NEB: variants seen among roughly 807,000 people sequenced by gnomAD.
NEB encodes nebulin.
NEB carries 512 observed loss-of-function variants against 952.2 expected under a neutral mutation model. That is an observed-to-expected ratio of 0.54 (90% CI 0.50 to 0.58). The LOEUF is 0.58. NEB is among the 20% of genes least tolerant of loss of function. The pLI is 0.00. For synonymous variants in NEB, 2,900 were observed against 3,149.8 expected (o/e 0.92, Z 2.66); for missense variants, 8,428 against 9,231.1 (o/e 0.91, Z 3.56).
At chr2:151,497,935 G>A (rs547170182) in intron 170 of NEB, 2 of 1,448,302 alleles carry the variant, frequency 1.4e-6, no homozygotes, top group Admixed American at 2.9e-5. Flanking sequence ...GGCTGTCAGA[G>A]TTATCCATGT....
Position 151,516,582 on chromosome 2 carries a change from G to A in NEB, c.22801-19C>T, listed in dbSNP as rs763184846. The A allele has an allele frequency of 2.1e-5, 31 of 1,479,522 alleles. No individual in the cohort carries two copies. The highest frequency in any genetic ancestry group is 2.4e-5 in the Non-Finnish European group (26 of 1,062,182). 91.6% of individuals were successfully genotyped at this position (1,479,522 alleles called of 1,614,324 possible). A position where few individuals can be genotyped will look rare whatever the true frequency, so the allele number is the denominator to read the frequency against. On this transcript the variant is annotated intron_variant, in intron 156 of 181. Coordinates refer to ENST00000397345, the MANE Select transcript of NEB (RefSeq NM_001164508.2). The stretch of plus-strand genomic sequence containing the variant: ...ATTTCACCTGGTGATAGAAAGCCAT[G>A]TTAGATATCTCTCCTCTGGTCAATT...
At chr2:151,652,800 G>A (rs1486383814) in intron 52 of NEB, among the ~76,000 whole-genome samples, 2 of 151,998 alleles carry the variant, frequency 1.3e-5, no homozygotes, top group African/African-American at 4.8e-5. Context: ...CGAATTAATG[G>A]GTTCACACAA....
At chr2:151,625,429 A>G (rs2098504527) in intron 71 of NEB, 105 bp downstream of exon 71, 1 of 797,392 alleles carries the variant, frequency 1.3e-6, no homozygotes, top group Non-Finnish European at 1.9e-6. Flanking sequence ...TAAAAAGCCA[A>G]CTAAGCTAAC....
rs772070576 is a variant in NEB, at chr2:151,697,195, T to C, written c.1423A>G (p.Ile475Val). Residue 475 changes from isoleucine to valine, a missense_variant, in exon 16 of 182, where the codon ATA becomes GTA. This residue lies in a region of NEB where 2,851 missense variants were observed against 2,791.5 expected (regional missense o/e 1.02). Transcript: ENST00000397345. ...TTAATTGCTTCATATTCTTGAGTTATGGTCTGAGGGAAGAAGCCTTTGCCT... is the reference window on the plus strand; with the variant it reads ...TTAATTGCTTCATATTCTTGAGTTACGGTCTGAGGGAAGAAGCCTTTGCCT... ...DRGKGFFPQT[I>V]TQEYEAIKKL... is the part of the protein sequence containing the mutation. 4.3e-6 allele frequency: 7 copies of C among 1,613,648 alleles called. No individual in the cohort carries two copies. The highest frequency in any genetic ancestry group is 4.0e-5 in the African/African-American group (3 of 74,948).
intron 74 of NEB, among the ~76,000 whole-genome samples, chr2:151,617,898 G>A (rs1054284814): frequency 2.0e-5 from 3 of 151,898 alleles, no homozygotes; most frequent in African/African-American, 7.3e-5. Flanking sequence ...TGTCTCTACT[G>A]AAAATACAAA....
intron 3 of NEB, among the ~76,000 whole-genome samples, chr2:151,731,783 T>C (rs2151090154): frequency 6.6e-6 from 1 of 152,328 alleles, no homozygotes; most frequent in Non-Finnish European, 1.5e-5. Flanking sequence ...GTAAAAACTG[T>C]TACTGGCATT....
chr2:151,618,185 T>C, intron 74 of NEB, 90 bp downstream of exon 74: 2 of 1,187,994 alleles, frequency 1.7e-6, no homozygotes, highest in Non-Finnish European at 2.5e-6. Context: ...ATAATGCTTA[T>C]TATTATCTTT....
intron 60 of NEB, among the ~76,000 whole-genome samples, chr2:151,642,128 C>A (rs191357992): frequency 6.6e-5 from 10 of 152,270 alleles, no homozygotes; most frequent in African/African-American, 2.4e-4. Context: ...TATTTGTAAC[C>A]CACCACCTGA....
rs183602069 is a variant in NEB, at chr2:151,732,948, C to T, written c.36+173G>A. 3.9e-5 allele frequency among the ~76,000 whole-genome samples: 6 copies of T among 152,284 alleles called. No individual in the cohort carries two copies. In the East Asian group the frequency reaches 1.2e-3, roughly 29 times the overall value. ...GATATTTCCTGTCAATTCTAAATCC[C>T]ACATAATTATAGTGAAACTGAACAT... On this transcript the variant is annotated intron_variant, in intron 3 of 181. Transcript: ENST00000397345.
intron 157 of NEB, 111 bp from the exon 158 acceptor site, chr2:151,515,039 C>A (rs2076869535): frequency 1.5e-6 from 1 of 668,066 alleles, no homozygotes; most frequent in Non-Finnish European, 2.6e-6. Flanking sequence ...GGCTCTTAAT[C>A]ATAGTTCTGC....
intron 130 of NEB, among the ~76,000 whole-genome samples, chr2:151,549,241 G>A (rs1050943607): frequency 1.3e-5 from 2 of 152,222 alleles, no homozygotes; most frequent in Non-Finnish European, 1.5e-5. Flanking sequence ...CTTCTGCAGT[G>A]AAACATAGCA....
chr2:151,666,177 G>C lies in NEB; in HGVS notation c.4944C>G (p.Asn1648Lys). Residue 1648 changes from asparagine to lysine, a missense_variant, in exon 41 of 182, where the codon AAC becomes AAG. Around this residue, in one of 11 missense-constraint regions of NEB, gnomAD observed 2,851 missense variants for 2,791.5 expected, o/e 1.02. Coordinates refer to ENST00000397345, the MANE Select transcript of NEB (RefSeq NM_001164508.2). ...KKSQEVATNA[N>K]YRQSYHHYTL... ...TGTAGTGGTGGTATGACTGTCTGTAGTTGGCGTTGGTGGCAACCTCCTGAG... is the reference window on the plus strand; with the variant it reads ...TGTAGTGGTGGTATGACTGTCTGTACTTGGCGTTGGTGGCAACCTCCTGAG... 1.2e-6 allele frequency: 2 copies of C among 1,613,762 alleles called. No homozygotes were observed. The highest frequency in any genetic ancestry group is 1.7e-6 in the Non-Finnish European group (2 of 1,179,858).
chr2:151,491,963 A>G (rs1277594712), intron 178 of NEB, 135 bp downstream of exon 178: 5 of 1,070,090 alleles, frequency 4.7e-6, no homozygotes, highest in African/African-American at 3.2e-5. Flanking sequence ...ACTATGAGAT[A>G]ATAGGAGCTT....
chr2:151,499,385 C>G lies in NEB; in HGVS notation c.24027G>C (p.Leu8009Phe). Residue 8009 changes from leucine to phenylalanine, a missense_variant, in exon 169 of 182, where the codon TTG becomes TTC. This residue lies in a region of NEB where 3,374 missense variants were observed against 3,651.5 expected (regional missense o/e 0.92). Transcript: ENST00000397345. Reference sequence around the variant, plus strand: ...TCCCTTTTCCAACGTTTTCTTTATACAACACCTGTATGACACAAGAAAGCA... The same window carrying G: ...TCCCTTTTCCAACGTTTTCTTTATAGAACACCTGTATGACACAAGAAAGCA... ...KLNQENFSSV[L>F]YKENVGKGIP... is the part of the protein sequence containing the mutation. The G allele has an allele frequency of 1.3e-6, 2 of 1,528,564 alleles. No homozygotes were observed. Among genetic ancestry groups the G allele is most frequent in the Non-Finnish European group, 1.8e-6 (2 of 1,127,710 alleles). The allele number at this position is 1,528,564 out of a possible 1,614,324, so 94.7% of individuals were successfully genotyped here. A position where few individuals can be genotyped will look rare whatever the true frequency, so the allele number is the denominator to read the frequency against.
Position 151,610,623 on chromosome 2 carries a change from T to G in NEB, c.11911A>C (p.Lys3971Gln), listed in dbSNP as rs762228870. Residue 3971 changes from lysine to glutamine, a missense_variant and splice_region_variant, in exon 80 of 182, where the codon AAA (lysine) becomes CAA (glutamine). Transcript: ENST00000397345. ...TCATCCCATCCCTTGGTGTAAAGTT[T>G]CTAGGGAAGGGATAATAGACGACAG... ...AKSNSANISQ[K>Q]LYTKGWDESK... The G allele has an allele frequency of 6.2e-7, 1 of 1,606,654 alleles. No individual in the cohort carries two copies. Among genetic ancestry groups the G allele is most frequent in the Non-Finnish European group, 8.5e-7 (1 of 1,173,202 alleles).
chr2:151,609,577 A>G (rs554323365), intron 81 of NEB, among the ~76,000 whole-genome samples: 41 of 152,346 alleles, frequency 2.7e-4, no homozygotes, highest in East Asian at 1.2e-3. Context: ...CATAATAGCA[A>G]CAATTATTTT....
intron 142 of NEB, among the ~76,000 whole-genome samples, chr2:151,535,306 C>A (rs1180420175): frequency 2.6e-5 from 4 of 152,172 alleles, no homozygotes; most frequent in African/African-American, 4.8e-5. Context: ...GTAGAGGATA[C>A]TAAATTAACC....
At chr2:151,651,366 C>T (rs540221964) in intron 52 of NEB, among the ~76,000 whole-genome samples, 7 of 152,238 alleles carry the variant, frequency 4.6e-5, no homozygotes, top group Non-Finnish European at 8.8e-5. Flanking sequence ...AATGATAATC[C>T]TTACGGGCTA....
chr2:151,546,390 A>G lies in NEB; in HGVS notation c.20421T>C (p.Tyr6807=). Residue 6807 remains tyrosine (Y), a synonymous_variant, in exon 134 of 182, where the codon TAT becomes TAC. Transcript: ENST00000397345. Reference sequence around the variant, plus strand: ...GGGAGCGGACCATGTCAGGAGTGTCATACAGGAAGCAGCCAAATCCCTTCA... The same window carrying G: ...GGGAGCGGACCATGTCAGGAGTGTCGTACAGGAAGCAGCCAAATCCCTTCA... ...QVLKGFGCFL[Y]DTPDMVRSRH... is the part of the protein sequence containing the mutation. 6.2e-7 allele frequency: 1 copy of G among 1,613,648 alleles called. No homozygotes were observed. Among genetic ancestry groups the G allele is most frequent in the Non-Finnish European group, 8.5e-7 (1 of 1,179,648 alleles).
Sources: allele counts gnomAD v4.1 joint callset (sites outside exome capture counted in the v4.1 genomes callset), GRCh38; gene constraint gnomAD v4.1.1; regional missense constraint gnomAD v4.1.1; transcripts MANE v1.5; gene names NCBI Gene and HGNC (gene_info 2026-07-23, HGNC 2026-07-21).